COL4A4: variants seen among roughly 807,000 people sequenced by gnomAD.
The protein encoded by COL4A4 is collagen type IV alpha 4 chain.
A neutral mutation model predicts 192.9 loss-of-function variants in COL4A4; 105 were observed. The ratio of observed to expected loss-of-function variants is 0.54; its 90% CI spans 0.46 to 0.64. The LOEUF is 0.64. Among genes scored for constraint, COL4A4 ranks in the 30% least tolerant of loss-of-function variants. The pLI, the probability that COL4A4 is intolerant of heterozygous loss-of-function variation, is 0.00. For synonymous variants in COL4A4, 762 were observed against 769.9 expected (o/e 0.99, Z 0.17); for missense variants, 1,967 against 2,169.3 (o/e 0.91, Z 1.85).
rs559326026 is a variant in COL4A4, at chr2:227,044,235, T to C, written c.3290-1051A>G. ...TTAGTTTTTTGGCCTCTTTTCTTGC[T>C]AATTTATTAAAGATAAAATGATATT... On this transcript the variant is annotated intron_variant, in intron 35 of 47. Transcript: ENST00000396625. Among the ~76,000 whole-genome samples, 6 of 152,364 alleles carry C rather than the reference T, an allele frequency of 3.9e-5. No individual in the cohort carries two copies. The South Asian group carries it at 1.0e-3, about 26-fold the overall frequency.
rs77268230 is a variant in COL4A4 at position 227,006,853 on chromosome 2, T to A, written c.*472A>T. 5.7e-3 allele frequency: 927 copies of A among 163,310 alleles called. 8 individuals carry two copies. The highest frequency in any genetic ancestry group is 0.021 in the African/African-American group (880 of 41,652). 10.1% of individuals were successfully genotyped at this position (163,310 alleles called of 1,614,324 possible). A position where few individuals can be genotyped will look rare whatever the true frequency, so the allele number is the denominator to read the frequency against. Reference sequence around the variant, plus strand: ...GAAAAATAGATTACAGAGGAAATCATTTTGAAATGTTGAAAATCTCTGCTT... The same window carrying A: ...GAAAAATAGATTACAGAGGAAATCAATTTGAAATGTTGAAAATCTCTGCTT... On this transcript the variant is annotated 3_prime_UTR_variant, in exon 48 of 48. Transcript: ENST00000396625.
intron 35 of COL4A4, among the ~76,000 whole-genome samples, chr2:227,043,489 A>G (rs1971856076): frequency 6.6e-6 from 1 of 152,150 alleles, no homozygotes. Context: ...CCTAATTATC[A>G]TTTTTAAATG....
At chr2:227,098,863 A>G in intron 18 of COL4A4, 65 bp from the exon 19 acceptor site, 3 of 1,344,130 alleles carry the variant, frequency 2.2e-6, no homozygotes, top group Admixed American at 1.7e-5. Flanking sequence ...TAAGACAACA[A>G]TTACTTTTTG....
chr2:226,972,562 C>G, the COL4A4 span, among the ~76,000 whole-genome samples: 15 of 152,308 alleles, frequency 9.8e-5, no homozygotes, highest in South Asian at 2.7e-3. Flanking sequence ...GGGCCACACT[C>G]AAAACCCTGC....
At chr2:227,056,205 G>A (rs775010517) in intron 29 of COL4A4, 90 bp from the exon 30 acceptor site, 32 of 1,106,468 alleles carry the variant, frequency 2.9e-5, no homozygotes, top group Non-Finnish European at 3.9e-5. Context: ...TAAACAATGC[G>A]TTAAACAACA....
intron 37 of COL4A4, among the ~76,000 whole-genome samples, 181 bp from the exon 38 acceptor site, chr2:227,033,662 G>T (rs183272163): frequency 6.6e-6 from 1 of 152,142 alleles, no homozygotes; most frequent in East Asian, 1.9e-4. Flanking sequence ...ACATTCATCC[G>T]GTAAAGATTT....
intron 19 of COL4A4, among the ~76,000 whole-genome samples, chr2:227,095,396 C>G (rs2060157841): frequency 6.6e-6 from 1 of 152,160 alleles, no homozygotes; most frequent in African/African-American, 2.4e-5. Context: ...ACTTATTGAG[C>G]ATTCTGTATA....
At chr2:227,069,645 C>T (rs2058584908) in intron 25 of COL4A4, among the ~76,000 whole-genome samples, 1 of 152,140 alleles carries the variant, frequency 6.6e-6, no homozygotes, top group Admixed American at 6.5e-5. Flanking sequence ...ATAAATGGTG[C>T]TGGGAAAACT....
chr2:227,041,796 GAA>G (rs1491443259), intron 37 of COL4A4, among the ~76,000 whole-genome samples: 1 of 54,108 alleles, frequency 1.8e-5, no homozygotes, highest in South Asian at 9.0e-4. Flanking sequence ...GGGAAAGAAA[GAA>G]AGAAAGGAAG....
intron 41 of COL4A4, among the ~76,000 whole-genome samples, chr2:227,029,810 G>T (rs1293765678): frequency 1.3e-5 from 2 of 152,146 alleles, no homozygotes; most frequent in Non-Finnish European, 2.9e-5. Flanking sequence ...AAATACTGGG[G>T]AAATTCAGTG....
chr2:227,062,391 T>C, intron 26 of COL4A4, 139 bp downstream of exon 26: 3 of 686,892 alleles, frequency 4.4e-6, no homozygotes, highest in Non-Finnish European at 7.9e-6. Context: ...CAAATGCTGT[T>C]TTCCCCTATC....
At chr2:227,090,784 A>T (rs1411793771) in intron 20 of COL4A4, among the ~76,000 whole-genome samples, 4 of 151,114 alleles carry the variant, frequency 2.6e-5, no homozygotes, top group African/African-American at 9.7e-5. Context: ...AATAAAATAA[A>T]TAAATAAATA....
intron 3 of COL4A4, among the ~76,000 whole-genome samples, chr2:227,140,825 T>G (rs2063149735): frequency 6.6e-6 from 1 of 151,716 alleles, no homozygotes; most frequent in African/African-American, 2.4e-5. Context: ...TTGAATAATT[T>G]GGACCTTTTC....
chr2:227,037,793 G>A (rs924492092), intron 37 of COL4A4, among the ~76,000 whole-genome samples: 1 of 152,218 alleles, frequency 6.6e-6, no homozygotes, highest in East Asian at 1.9e-4. Context: ...CTGGCAATGA[G>A]ATGGTATCTC....
At chr2:226,980,509 C>G in the COL4A4 span, among the ~76,000 whole-genome samples, 3 of 152,208 alleles carry the variant, frequency 2.0e-5, no homozygotes, top group Middle Eastern at 3.4e-3. Flanking sequence ...CTGACATGAG[C>G]AAGTCAGATC....
At chr2:227,139,796 G>A (rs1486129511) in intron 4 of COL4A4, among the ~76,000 whole-genome samples, 1 of 152,292 alleles carries the variant, frequency 6.6e-6, no homozygotes, top group Non-Finnish European at 1.5e-5. Flanking sequence ...TGTCTGGAAA[G>A]ACCAAACAAA....
intron 37 of COL4A4, among the ~76,000 whole-genome samples, chr2:227,041,555 T>C (rs1413284920): frequency 1.3e-5 from 2 of 150,460 alleles, no homozygotes; most frequent in African/African-American, 4.9e-5. Flanking sequence ...GCAGGAGAAT[T>C]GCTTGAACCT....
the COL4A4 span, among the ~76,000 whole-genome samples, chr2:226,985,397 A>T: frequency 6.6e-6 from 1 of 152,242 alleles, no homozygotes; most frequent in Non-Finnish European, 1.5e-5. Context: ...TCAATGCAGC[A>T]GCCTCTGTAG....
downstream of COL4A4, among the ~76,000 whole-genome samples, chr2:227,001,867 C>G (rs993584061): frequency 1.3e-5 from 2 of 152,130 alleles, no homozygotes; most frequent in Non-Finnish European, 2.9e-5. Context: ...AATGAAGTTC[C>G]TTCCTACTTA....
Sources: gnomAD v4.1 joint callset for allele counts (sites outside exome capture counted in the v4.1 genomes callset) on GRCh38, gnomAD v4.1.1 for gene constraint, MANE v1.5 for transcripts, NCBI Gene and HGNC (gene_info 2026-07-23, HGNC 2026-07-21) for gene names.